The following HDAC8 variants were observed in gnomAD, a reference collection of about 807,000 sequenced individuals.
The protein encoded by HDAC8 is histone deacetylase-like 1.
HDAC8 carries 1 observed loss-of-function variant against 32.2 expected under a neutral mutation model. That is an observed-to-expected ratio of 0.03 (90% CI 0.01 to 0.15). HDAC8 has a LOEUF of 0.15. Ranked by LOEUF, HDAC8 falls within the 10% of genes least tolerant of loss-of-function variation. The pLI, the probability that HDAC8 is intolerant of heterozygous loss-of-function variation, is 1.00. For synonymous variants in HDAC8, 108 were observed against 113.9 expected, an observed-to-expected ratio of 0.95 and a Z score of 0.33; for missense variants, 117 against 300.0, an observed-to-expected ratio of 0.39 and a Z score of 4.51.
intron 4 of HDAC8, among the ~76,000 whole-genome samples, chrX:72,539,214 T>TTTTA (rs201298956): frequency 0.063 from 6,956 of 109,981 alleles, 715 homozygotes; most frequent in East Asian, 0.6. Context: ...ATCTGTGCAA[T>TTTTA]TTTATTTATT....
chrX:72,489,605 G>C (rs782747576), intron 6 of HDAC8, among the ~76,000 whole-genome samples: 1 of 110,232 alleles, frequency 9.1e-6, no homozygotes, highest in South Asian at 4.0e-4. Context: ...ATTAATTCAA[G>C]ATGGATTAAA....
chrX:72,567,744 C>T, intron 4 of HDAC8, 145 bp downstream of exon 4: 1 of 1,210,709 alleles, frequency 8.3e-7, no homozygotes, highest in Non-Finnish European at 1.1e-6. Context: ...TTTTCTATTT[C>T]ACTTGGATTT....
chrX:72,347,698 G>T (rs888929836), intron 10 of HDAC8, among the ~76,000 whole-genome samples: 3 of 112,071 alleles, frequency 2.7e-5, no homozygotes, highest in Admixed American at 9.4e-5. Context: ...TCCAACTCTG[G>T]AAGGTTCACC....
At chrX:72,343,318 T>G (rs1039407651) in intron 10 of HDAC8, among the ~76,000 whole-genome samples, 2 of 110,094 alleles carry the variant, frequency 1.8e-5, no homozygotes, top group African/African-American at 6.6e-5. Context: ...TACAGGTATA[T>G]GTCATCACAC....
chrX:72,431,941 C>T (rs181765131), intron 9 of HDAC8, among the ~76,000 whole-genome samples: 82 of 111,624 alleles, frequency 7.3e-4, no homozygotes, highest in Non-Finnish European at 9.6e-4. Context: ...CAATGTCACA[C>T]GGCTGATAAG....
intron 4 of HDAC8, among the ~76,000 whole-genome samples, chrX:72,538,358 AT>A (rs1372403783): frequency 9.1e-6 from 1 of 109,355 alleles, no homozygotes; most frequent in African/African-American, 3.3e-5. Context: ...TAATTTTTTA[AT>A]TTTTAGTAGA....
intron 9 of HDAC8, among the ~76,000 whole-genome samples, chrX:72,425,920 G>A (rs782469943): frequency 8.9e-6 from 1 of 111,838 alleles, no homozygotes; most frequent in South Asian, 3.8e-4. Flanking sequence ...CCTTTGTGAC[G>A]TGTTCCCTGA....
chrX:72,560,983 T>A (rs1756801878), intron 4 of HDAC8, among the ~76,000 whole-genome samples: 1 of 111,076 alleles, frequency 9.0e-6, no homozygotes, highest in African/African-American at 3.3e-5. Context: ...AAAAAGAATA[T>A]ACCTAATCAA....
chrX:72,461,914 G>T, intron 9 of HDAC8, 90 bp downstream of exon 9: 1 of 622,048 alleles, frequency 1.6e-6, no homozygotes, highest in Non-Finnish European at 2.7e-6. Flanking sequence ...CAACAAAACG[G>T]TATTGAGTGG....
chrX:72,365,100 T>A (rs1225962213), intron 9 of HDAC8, among the ~76,000 whole-genome samples: 3 of 112,050 alleles, frequency 2.7e-5, no homozygotes, highest in African/African-American at 9.7e-5. Flanking sequence ...TTTTGAATTT[T>A]TTTTCAGATT....
intron 9 of HDAC8, among the ~76,000 whole-genome samples, chrX:72,448,797 A>T (rs1265036627): frequency 8.9e-6 from 1 of 112,886 alleles, no homozygotes; most frequent in Non-Finnish European, 1.9e-5. Context: ...TCTAAAGAAG[A>T]CATTTATGTG....
At chrX:72,363,479 T>G (rs1285240556) in intron 9 of HDAC8, among the ~76,000 whole-genome samples, 3 of 111,528 alleles carry the variant, frequency 2.7e-5, no homozygotes, top group Admixed American at 9.5e-5. Flanking sequence ...ATCCCTTCAC[T>G]TCTGAACCTC....
chrX:72,414,065 G>C (rs2046270970), intron 9 of HDAC8, among the ~76,000 whole-genome samples: 1 of 111,970 alleles, frequency 8.9e-6, no homozygotes, highest in African/African-American at 3.2e-5. Flanking sequence ...ACTGGCCTGG[G>C]TTATCTATTG....
At chrX:72,482,272 A>T (rs1299874588) in intron 7 of HDAC8, among the ~76,000 whole-genome samples, 4 of 111,965 alleles carry the variant, frequency 3.6e-5, no homozygotes, top group African/African-American at 1.3e-4. Context: ...CATGAAAAAG[A>T]TGTAATTCCA....
Position 72,453,523 on chromosome X carries a change from A to AG in HDAC8, c.1005+8480_1005+8481insC, listed in dbSNP as rs1555988428. 4.3e-3 allele frequency among the ~76,000 whole-genome samples: 327 copies of AG among 76,567 alleles called. 3 individuals are homozygous for AG. The highest frequency in any genetic ancestry group is 7.0e-3 in the Non-Finnish European group (261 of 37,231). The allele number at this position is 76,567 out of a possible 115,157, so 66.5% of individuals were successfully genotyped here. A position where few individuals can be genotyped will look rare whatever the true frequency, so the allele number is the denominator to read the frequency against. ...AAGAAAGAAAGAAAGAAAGAAAGAA[A>AG]AAGAAAGAAAAAGTAAAAAGGTCAC... is the stretch of plus-strand genomic sequence containing the variant. On this transcript the variant is annotated intron_variant, in intron 9 of 10. Transcript: ENST00000373573.
chrX:72,401,462 C>A (rs1355794046), intron 9 of HDAC8, among the ~76,000 whole-genome samples: 1 of 111,682 alleles, frequency 9.0e-6, no homozygotes, highest in Non-Finnish European at 1.9e-5. Context: ...CTCCTGAGCT[C>A]AAGTGATCTG....
At chrX:72,510,604 TTAGA>T (rs782140816) in intron 4 of HDAC8, among the ~76,000 whole-genome samples, 3 of 111,664 alleles carry the variant, frequency 2.7e-5, no homozygotes, top group East Asian at 5.6e-4. Context: ...ACCAAGAATC[TTAGA>T]TAGTTCATAA....
intron 4 of HDAC8, among the ~76,000 whole-genome samples, chrX:72,551,822 C>T (rs1314615032): frequency 1.8e-5 from 2 of 112,076 alleles, no homozygotes; most frequent in Non-Finnish European, 3.8e-5. Flanking sequence ...CTTATAAAAC[C>T]TTTATAATCT....
intron 7 of HDAC8, chrX:72,467,872 C>A: frequency 1.1e-6 from 1 of 903,334 alleles, no homozygotes; most frequent in Non-Finnish European, 1.5e-6. Context: ...ACAAGAAAAG[C>A]ATATACATAT....
Sources: gnomAD v4.1 joint callset for allele counts (sites outside exome capture counted in the v4.1 genomes callset) on GRCh38, gnomAD v4.1.1 for gene constraint, MANE v1.5 for transcripts, NCBI Gene and HGNC (gene_info 2026-07-23, HGNC 2026-07-21) for gene names.